Variants in RORB observed in about 807,000 individuals in gnomAD.
RORB encodes the protein nuclear receptor ROR-beta.
In RORB, 6 loss-of-function variants were observed where a neutral mutation model predicts 59.1. That is an observed-to-expected ratio of 0.10 (90% CI 0.06 to 0.20). The LOEUF (loss-of-function observed/expected upper bound fraction) is 0.20, where lower values mean the gene tolerates loss of function less well. RORB is among the 10% of genes least tolerant of loss of function. RORB has a pLI of 1.00. For synonymous variants in RORB, 215 were observed against 204.5 expected (o/e 1.05, Z -0.44); for missense variants, 320 against 560.5 (o/e 0.57, Z 4.33).
At chr9:74,663,808 G>C (rs1824226464) in intron 6 of RORB, among the ~76,000 whole-genome samples, 1 of 152,122 alleles carries the variant, frequency 6.6e-6, no homozygotes, top group African/African-American at 2.4e-5. Flanking sequence ...TCCAAAGACT[G>C]CTTGGACTTG....
intron 4 of RORB, among the ~76,000 whole-genome samples, chr9:74,645,437 A>G (rs1278083684): frequency 6.6e-6 from 1 of 152,120 alleles, no homozygotes; most frequent in Non-Finnish European, 1.5e-5. Context: ...TTAAAACCCA[A>G]TTGTGCCTTT....
In RORB at chr9:74,576,208, G is replaced by A. The variant is rs1392611427; in HGVS notation, c.8-54074G>A. Among the ~76,000 whole-genome samples the A allele has an allele frequency of 9.9e-5, 15 of 152,188 alleles. No homozygotes were observed. In the East Asian group the frequency reaches 2.9e-3, roughly 29 times the overall value. Reference sequence around the variant, plus strand: ...AAATGCAATTACCTTGAGACTTCTGGTAATATCTCACAAGAGGCTATGTTC... The same window carrying A: ...AAATGCAATTACCTTGAGACTTCTGATAATATCTCACAAGAGGCTATGTTC... On this transcript the variant is annotated intron_variant, in intron 1 of 9. Transcript: ENST00000376896.
At chr9:74,516,806 C>G (rs969227062) in intron 1 of RORB, among the ~76,000 whole-genome samples, 1 of 151,926 alleles carries the variant, frequency 6.6e-6, no homozygotes, top group Non-Finnish European at 1.5e-5. Flanking sequence ...GTGTTTTTTC[C>G]TTATATTTAT....
intron 3 of RORB, among the ~76,000 whole-genome samples, chr9:74,640,240 G>GTGGTT (rs1554672116): frequency 6.6e-6 from 1 of 152,016 alleles, no homozygotes; most frequent in African/African-American, 2.4e-5. Context: ...TTGGTTTGTT[G>GTGGTT]TGTTTTGTTT....
At chr9:74,628,262 C>T (rs1235793990) in intron 1 of RORB, among the ~76,000 whole-genome samples, 1 of 152,082 alleles carries the variant, frequency 6.6e-6, no homozygotes, top group Non-Finnish European at 1.5e-5. Flanking sequence ...GAAATGTATA[C>T]TTAGTCTCAT....
intron 1 of RORB, among the ~76,000 whole-genome samples, chr9:74,554,792 C>T (rs1395347617): frequency 6.6e-6 from 1 of 152,172 alleles, no homozygotes; most frequent in Non-Finnish European, 1.5e-5. Flanking sequence ...CCCCTGCTTT[C>T]TCTGCTAGTA....
chr9:74,503,077 T>C (rs1209651872), intron 1 of RORB, among the ~76,000 whole-genome samples: 1 of 152,032 alleles, frequency 6.6e-6, no homozygotes, highest in Non-Finnish European at 1.5e-5. Flanking sequence ...TTAATGTATG[T>C]TTTTTATTCT....
In RORB at chr9:74,689,987, A is replaced by C. The variant is rs1267146786; in HGVS notation, c.*4369A>C. The C allele has an allele frequency of 6.6e-6, 1 of 152,126 alleles. No individual in the cohort carries two copies. The highest frequency in any genetic ancestry group is 1.5e-5 in the Non-Finnish European group (1 of 68,018). The allele number at this position is 152,126 out of a possible 1,614,324, so 9.4% of individuals were successfully genotyped here. The stretch of plus-strand genomic sequence containing the variant: ...TTCTATAAACTTTTATTTCCAAGGA[A>C]GCTGCTACAATTTGCAGTCAATTCA... On this transcript the variant is annotated 3_prime_UTR_variant, in exon 10 of 10. Coordinates refer to ENST00000376896, the MANE Select transcript of RORB (RefSeq NM_006914.4).
At chr9:74,648,464 TC>T (rs1285806458) in intron 4 of RORB, among the ~76,000 whole-genome samples, 2 of 152,116 alleles carry the variant, frequency 1.3e-5, no homozygotes, top group Admixed American at 1.3e-4. Context: ...GCATTAATAT[TC>T]CCCCCTTGTT....
At chr9:74,564,360 C>T (rs566816272) in intron 1 of RORB, among the ~76,000 whole-genome samples, 1 of 152,226 alleles carries the variant, frequency 6.6e-6, no homozygotes, top group Admixed American at 6.5e-5. Flanking sequence ...GTGTTTATGC[C>T]TCATGTTCAA....
At chr9:74,557,586 T>C (rs1822326429) in intron 1 of RORB, among the ~76,000 whole-genome samples, 2 of 152,158 alleles carry the variant, frequency 1.3e-5, no homozygotes, top group African/African-American at 4.8e-5. Flanking sequence ...TATAATCAGG[T>C]ATGCAAATAT....
At chr9:74,537,307 C>T (rs574056596) in intron 1 of RORB, among the ~76,000 whole-genome samples, 33 of 152,088 alleles carry the variant, frequency 2.2e-4, no homozygotes, top group African/African-American at 5.8e-4. Context: ...GAAGTAATAA[C>T]GTATTAAGCA....
rs1255360497 is a variant in RORB, at chr9:74,497,989, C to T, written c.7+6C>T. On this transcript the variant is annotated splice_donor_region_variant and intron_variant, in intron 1 of 9. Transcript: ENST00000376896. The stretch of plus-strand genomic sequence containing the variant: ...GAGCGGCCACACCATGCGAGGTAAG[C>T]GAGTCTGCGGGCACCGAGGCTCCCC... 8 of 1,610,496 alleles carry T rather than the reference C, an allele frequency of 5.0e-6. No individual in the cohort carries two copies. The highest frequency in any genetic ancestry group is 1.6e-4 in the Middle Eastern group (1 of 6,078).
intron 8 of RORB, among the ~76,000 whole-genome samples, chr9:74,670,091 G>T (rs868701378): frequency 6.6e-6 from 1 of 150,598 alleles, no homozygotes; most frequent in Non-Finnish European, 1.5e-5. Flanking sequence ...TTAAACCCTA[G>T]AAAGTTTCCC....
rs1824671769 is a variant in RORB, at chr9:74,687,845, T to C, written c.*2227T>C. The C allele has an allele frequency of 6.6e-6, 1 of 152,216 alleles. No individual in the cohort carries two copies. Among genetic ancestry groups the C allele is most frequent in the Admixed American group, 6.5e-5 (1 of 15,280 alleles). The allele number at this position is 152,216 out of a possible 1,614,324, so 9.4% of individuals were successfully genotyped here. A position where few individuals can be genotyped will look rare whatever the true frequency, so the allele number is the denominator to read the frequency against. ...CCAAATGCAATGTATGTTTTATGAT[T>C]GGCTTGTGATAGGCGATGCTTCATG... On this transcript the variant is annotated 3_prime_UTR_variant, in exon 10 of 10. Coordinates refer to ENST00000376896, the MANE Select transcript of RORB (RefSeq NM_006914.4).
intron 1 of RORB, among the ~76,000 whole-genome samples, chr9:74,617,563 G>A (rs1041379635): frequency 6.6e-6 from 1 of 152,130 alleles, no homozygotes; most frequent in African/African-American, 2.4e-5. Context: ...GATTATGCTG[G>A]TAATCTCTTT....
Position 74,600,827 on chromosome 9 carries a change from G to T in RORB, c.8-29455G>T, listed in dbSNP as rs181439202. On this transcript the variant is annotated intron_variant, in intron 1 of 9. Transcript: ENST00000376896. ...ATAATGTATAGTTTACCAAAATTAT[G>T]GGAAATCTACAGACTACTTCTATCT... 5.7e-3 allele frequency among the ~76,000 whole-genome samples: 865 copies of T among 152,120 alleles called. 3 individuals are homozygous for T. The highest frequency in any genetic ancestry group is 9.1e-3 in the Non-Finnish European group (622 of 67,996).
At position 74,642,743 on chromosome 9, in the gene RORB, G is replaced by A. The variant is rs1414803705; in HGVS notation, c.565G>A (p.Val189Ile). ...KQEPIYDLTS[V>I]PNLFTYSSFN... The stretch of plus-strand genomic sequence containing the variant: ...AGAACCTATCTATGACCTCACATCC[G>A]TACCCAACTTGTTTACCTATAGCTC... The change falls in exon 4 of 10, where the codon GTA becomes ATA. Residue 189 changes from valine (V) to isoleucine (I), a missense_variant. Physicochemically the swap from Val to Ile is conservative, Grantham distance 29. Around this residue, in one of 4 missense-constraint regions of RORB, gnomAD observed 134 missense variants for 156.2 expected, o/e 0.86. Coordinates refer to ENST00000376896, the MANE Select transcript of RORB (RefSeq NM_006914.4). The A allele has an allele frequency of 3.1e-6, 5 of 1,613,866 alleles. No homozygotes were observed. The highest frequency in any genetic ancestry group is 1.6e-4 in the Middle Eastern group (1 of 6,082).
chr9:74,576,942 G>A (rs1328173600), intron 1 of RORB, among the ~76,000 whole-genome samples: 1 of 152,040 alleles, frequency 6.6e-6, no homozygotes, highest in Non-Finnish European at 1.5e-5. Flanking sequence ...CCTGTAAGAG[G>A]AGAATCCAGT....
Sources: gnomAD v4.1 joint callset for allele counts (sites outside exome capture counted in the v4.1 genomes callset) on GRCh38, gnomAD v4.1.1 for gene constraint, gnomAD v4.1.1 regional missense constraint, MANE v1.5 for transcripts, NCBI Gene and HGNC (gene_info 2026-07-23, HGNC 2026-07-21) for gene names.